The following GNPAT variants were observed in gnomAD, a reference collection of about 807,000 sequenced individuals.
GNPAT encodes the protein dihydroxyacetone phosphate acyltransferase.
In GNPAT, 30 loss-of-function variants were observed where a neutral mutation model predicts 78.4. That is an observed-to-expected ratio of 0.38 (90% confidence interval 0.29 to 0.52). The LOEUF (loss-of-function observed/expected upper bound fraction) is 0.52, where lower values mean the gene tolerates loss of function less well. GNPAT is among the 20% of genes least tolerant of loss of function. The pLI is 0.84. For missense variants in GNPAT, 714 were observed against 812.2 expected (o/e 0.88, Z 1.47); for synonymous variants, 271 against 281.1 (o/e 0.96, Z 0.36).
chr1:231,253,678 A>T (rs1263427968), intron 2 of GNPAT, among the ~76,000 whole-genome samples: 1 of 152,220 alleles, frequency 6.6e-6, no homozygotes, highest in African/African-American at 2.4e-5. Context: ...TTAGATGCTA[A>T]CAACAGCAGT....
At position 231,251,282 on chromosome 1, in the gene GNPAT, C is replaced by T. The variant is rs185280027; in HGVS notation, c.261+139C>T. On this transcript the variant is annotated intron_variant, in intron 2 of 15. Transcript: ENST00000366647. Reference sequence around the variant, plus strand: ...ACATTTATCAAATAATTACTGTATCCGTGTGTGTTAGCCTCTTGCTAGACA... The same window carrying T: ...ACATTTATCAAATAATTACTGTATCTGTGTGTGTTAGCCTCTTGCTAGACA... 1.8e-4 allele frequency: 110 copies of T among 609,382 alleles called. No homozygotes were observed. The Admixed American group carries it at 3.1e-3, about 17-fold the overall frequency. The allele number at this position is 609,382 out of a possible 1,614,324, so 37.7% of individuals were successfully genotyped here. A position where few individuals can be genotyped will look rare whatever the true frequency, so the allele number is the denominator to read the frequency against.
intron 8 of GNPAT, among the ~76,000 whole-genome samples, chr1:231,266,640 C>T (rs137915847): frequency 6.6e-6 from 1 of 152,044 alleles, no homozygotes; most frequent in Non-Finnish European, 1.5e-5. Flanking sequence ...TATGCAAAAT[C>T]AGACAATGAT....
rs201548204 is a variant in GNPAT at position 231,271,019 on chromosome 1, A to G, written c.1522+19A>G. On this transcript the variant is annotated intron_variant, in intron 10 of 15. Coordinates refer to ENST00000366647, the MANE Select transcript of GNPAT (RefSeq NM_014236.4). Reference sequence around the variant, plus strand: ...AGGAAAGGTAATTTTCAGGAATGCAATCTTGACTTTTAGAAGAGGTCTGGC... The same window carrying G: ...AGGAAAGGTAATTTTCAGGAATGCAGTCTTGACTTTTAGAAGAGGTCTGGC... 7.0e-5 allele frequency: 113 copies of G among 1,613,762 alleles called. No homozygotes were observed. The highest frequency in any genetic ancestry group is 6.6e-4 in the Middle Eastern group (4 of 6,062).
At position 231,251,069 on chromosome 1, in the gene GNPAT, A is replaced by G. The variant is rs752554642; in HGVS notation, c.187A>G (p.Ile63Val). The G allele has an allele frequency of 6.3e-7, 1 of 1,595,860 alleles. No homozygotes were observed. Among genetic ancestry groups the G allele is most frequent in the Non-Finnish European group, 8.6e-7 (1 of 1,163,342 alleles). ...CTACACACCTCTTGTCTATAAGGGA[A>G]TTACTCCATGTAAACCAATTGATAT... ...KCYTPLVYKG[I>V]TPCKPIDIKC... Residue 63 changes from isoleucine to valine, a missense_variant, in exon 2 of 16, where the codon ATT (isoleucine) becomes GTT (valine). Ile to Val is a conservative substitution (Grantham distance 29). Transcript: ENST00000366647.
chr1:231,245,075 CAG>C (rs1235109205), intron 1 of GNPAT, among the ~76,000 whole-genome samples: 1 of 152,190 alleles, frequency 6.6e-6, no homozygotes, highest in Non-Finnish European at 1.5e-5. Flanking sequence ...TATGTTTTCT[CAG>C]AAGTTTTATT....
chr1:231,260,873 G>A (rs911398223), intron 3 of GNPAT, among the ~76,000 whole-genome samples, 190 bp downstream of exon 3: 2 of 152,178 alleles, frequency 1.3e-5, no homozygotes, highest in Non-Finnish European at 2.9e-5. Context: ...CATCTCTGAA[G>A]GTTGTTTTCT....
At chr1:231,268,599 A>AC (rs931674276) in intron 9 of GNPAT, among the ~76,000 whole-genome samples, 1 of 109,266 alleles carries the variant, frequency 9.2e-6, no homozygotes, top group African/African-American at 3.6e-5. Flanking sequence ...ACATAGTGAG[A>AC]CCCCATCTCC....
At chr1:231,276,836 G>A (rs1201166248) in intron 15 of GNPAT, among the ~76,000 whole-genome samples, 1 of 152,148 alleles carries the variant, frequency 6.6e-6, no homozygotes, top group African/African-American at 2.4e-5. Flanking sequence ...GTTAACATTT[G>A]GAAAAAATAA....
chr1:231,269,252 T>C (rs1027465792), intron 9 of GNPAT, among the ~76,000 whole-genome samples: 3 of 152,118 alleles, frequency 2.0e-5, no homozygotes, highest in African/African-American at 7.2e-5. Flanking sequence ...TTTTGAACCC[T>C]TCAGGAAGAC....
Position 231,273,909 on chromosome 1 carries a change from T to C in GNPAT, c.1603-13T>C, listed in dbSNP as rs1317773648. Reference sequence around the variant, plus strand: ...AACCTAGATGAACATTATGGCTTCCTCTTCCCTTCTAGGACTTTGAAGAAG... The same window carrying C: ...AACCTAGATGAACATTATGGCTTCCCCTTCCCTTCTAGGACTTTGAAGAAG... On this transcript the variant is annotated splice_polypyrimidine_tract_variant and intron_variant, in intron 11 of 15. Transcript: ENST00000366647. 6.2e-7 allele frequency: 1 copy of C among 1,610,978 alleles called. No homozygotes were observed. The highest frequency in any genetic ancestry group is 8.5e-7 in the Non-Finnish European group (1 of 1,177,320).
In GNPAT at chr1:231,276,161, A is replaced by G. The variant is rs537533937; in HGVS notation, c.1964A>G (p.Asn655Ser). ...AATAATAACTGTATATTTAATGTGA[A>G]TGAACCTGCCACAACCAAATTAGAA... ...KINNNCIFNV[N>S]EPATTKLEEM... is the part of the protein sequence containing the mutation. Residue 655 changes from asparagine to serine, a missense_variant, in exon 15 of 16, where the codon AAT becomes AGT. Transcript: ENST00000366647. The G allele has an allele frequency of 2.3e-5, 32 of 1,395,542 alleles. 1 individual carries two copies. In the South Asian group the frequency reaches 3.6e-4, roughly 16 times the overall value. The allele number at this position is 1,395,542 out of a possible 1,614,324, so 86.4% of individuals were successfully genotyped here.
intron 1 of GNPAT, among the ~76,000 whole-genome samples, chr1:231,248,718 A>G (rs1448869473): frequency 1.3e-5 from 2 of 152,204 alleles, no homozygotes; most frequent in Non-Finnish European, 2.9e-5. Flanking sequence ...TTTAGTCAGT[A>G]TATGATGGTG....
Position 231,270,879 on chromosome 1 carries a change from G to A in GNPAT, c.1401G>A (p.Gly467=). The A allele has an allele frequency of 6.2e-7, 1 of 1,614,194 alleles. No homozygotes were observed. Among genetic ancestry groups the A allele is most frequent in the South Asian group, 1.1e-5 (1 of 91,080 alleles). The change falls in exon 10 of 16, where the codon GGG becomes GGA. Residue 467 remains glycine (G), a synonymous_variant. Coordinates refer to ENST00000366647, the MANE Select transcript of GNPAT (RefSeq NM_014236.4). ...CCGGAGACTCGGAAGTGGTCGATGG[G>A]CTTATGCTCCAGCACATCACTCTCC... ...VDSGDSEVVD[G]LMLQHITLLM... is the part of the protein sequence containing the mutation.
chr1:231,249,419 A>C (rs554174482), intron 1 of GNPAT, among the ~76,000 whole-genome samples: 1 of 152,338 alleles, frequency 6.6e-6, no homozygotes, highest in Non-Finnish European at 1.5e-5. Flanking sequence ...CTCAGTTAAC[A>C]TTCTGTATTT....
intron 2 of GNPAT, among the ~76,000 whole-genome samples, chr1:231,257,079 A>G (rs1685087763): frequency 6.6e-6 from 1 of 152,208 alleles, no homozygotes; most frequent in Admixed American, 6.5e-5. Context: ...TGAAAAGCCT[A>G]ATTGCATAGA....
In GNPAT at chr1:231,266,355, C is replaced by G; in HGVS notation, c.1003C>G (p.Arg335Gly). 1 of 1,613,924 alleles carries G rather than the reference C, an allele frequency of 6.2e-7. No individual in the cohort carries two copies. The highest frequency in any genetic ancestry group is 1.1e-5 in the South Asian group (1 of 91,080). The change falls in exon 8 of 16, where the codon CGA (arginine) becomes GGA (glycine). Residue 335 changes from arginine (R) to glycine (G), a missense_variant. Transcript: ENST00000366647. ...HVYFGDPVSL[R>G]SLAAGRMSRS... is the part of the protein sequence containing the mutation. Reference sequence around the variant, plus strand: ...GTACTTTGGAGATCCTGTGTCACTTCGATCTTTGGCAGCTGGGAGGATGAG... The same window carrying G: ...GTACTTTGGAGATCCTGTGTCACTTGGATCTTTGGCAGCTGGGAGGATGAG...
chr1:231,258,273 C>T (rs1685122060), intron 2 of GNPAT: 1 of 152,262 alleles, frequency 6.6e-6, no homozygotes, highest in South Asian at 2.1e-4. Flanking sequence ...CTTCTCTGTT[C>T]CTATAACCAG....
At chr1:231,275,713 A>G (rs1685692766) in intron 14 of GNPAT, among the ~76,000 whole-genome samples, 1 of 152,226 alleles carries the variant, frequency 6.6e-6, no homozygotes, top group African/African-American at 2.4e-5. Flanking sequence ...AAAGGAAGAA[A>G]TAACTTTAGG....
chr1:231,241,373 C>A lies in GNPAT; in HGVS notation c.-6C>A, dbSNP rs370992541. On this transcript the variant is annotated 5_prime_UTR_variant, in exon 1 of 16. Transcript: ENST00000366647. ...CCCAGACCCCGCCCGGGAAGGCAGCCGCACCATGGAGTCTTCCAGTTCATC... is the reference window on the plus strand; with the variant it reads ...CCCAGACCCCGCCCGGGAAGGCAGCAGCACCATGGAGTCTTCCAGTTCATC... 6.2e-7 allele frequency: 1 copy of A among 1,611,594 alleles called. No individual in the cohort carries two copies. The highest frequency in any genetic ancestry group is 8.5e-7 in the Non-Finnish European group (1 of 1,177,692).
Sources: allele counts gnomAD v4.1 joint callset (sites outside exome capture counted in the v4.1 genomes callset), GRCh38; gene constraint gnomAD v4.1.1; transcripts MANE v1.5; gene names NCBI Gene and HGNC (gene_info 2026-07-23, HGNC 2026-07-21).